Variants in KIAA2013 observed in about 807,000 individuals in gnomAD.
The protein encoded by KIAA2013 is KIAA2013.
Under a neutral mutation model 39.9 loss-of-function variants are expected in KIAA2013, and 20 were observed. The observed-to-expected ratio is 0.50, with a 90% CI of 0.35 to 0.73. The LOEUF is 0.73. Among genes scored for constraint, KIAA2013 ranks in the 30% least tolerant of loss-of-function variants. The pLI is 0.01. For synonymous variants in KIAA2013, 336 were observed against 416.6 expected (o/e 0.81, Z 2.35); for missense variants, 587 against 856.1 (o/e 0.69, Z 3.92).
intron 1 of KIAA2013, among the ~76,000 whole-genome samples, chr1:11,924,807 C>G (rs151309998): frequency 3.3e-5 from 5 of 152,242 alleles, no homozygotes; most frequent in African/African-American, 1.2e-4. Context: ...TGTCAAGAAG[C>G]CCACGTCTGT....
Position 11,923,212 on chromosome 1 carries a change from A to C in KIAA2013, c.1311T>G (p.Arg437=). The C allele has an allele frequency of 1.2e-6, 2 of 1,613,704 alleles. No homozygotes were observed. The highest frequency in any genetic ancestry group is 1.7e-6 in the Non-Finnish European group (2 of 1,179,850). The change falls in exon 2 of 3, where the codon CGT becomes CGG. Residue 437 remains arginine (R), a synonymous_variant. Coordinates refer to ENST00000376572, the MANE Select transcript of KIAA2013 (RefSeq NM_138346.3). This position sits in a 1 kb window ranked among gnomAD's most constrained non-coding sequence, Gnocchi z 4.6. ...CCACCTTCACCAGCCCCTTGCAGCC[A>C]CGCTTCTGGAGGGTCAGCCTCCACA... The part of the protein sequence containing the change: ...SDLWRLTLQK[R]GCKGLVKVGA...
Position 11,925,593 on chromosome 1 carries a change from C to A in KIAA2013, c.645G>T (p.Val215=), listed in dbSNP as rs760949040. ...RIQLNNPTER[V]AALQTVGPTA... is the part of the protein sequence containing the mutation. Reference sequence around the variant, plus strand: ...TGGGCCCCACAGTCTGCAGCGCGGCCACGCGCTCCGTGGGGTTGTTGAGCT... The same window carrying A: ...TGGGCCCCACAGTCTGCAGCGCGGCAACGCGCTCCGTGGGGTTGTTGAGCT... The change falls in exon 1 of 3, where the codon GTG becomes GTT. Residue 215 remains valine (V), a synonymous_variant. Coordinates refer to ENST00000376572, the MANE Select transcript of KIAA2013 (RefSeq NM_138346.3). The surrounding 1 kb of genome is among the most constrained non-coding windows in gnomAD (Gnocchi z 5.2). The A allele has an allele frequency of 3.7e-5, 59 of 1,609,706 alleles. No homozygotes were observed. The African/African-American group carries it at 7.2e-4, about 20-fold the overall frequency.
At position 11,923,521 on chromosome 1, in the gene KIAA2013, G is replaced by A. The variant is rs377333915; in HGVS notation, c.1034-32C>T. ...CACCATGAAAGCGGCATGTTAAGGG[G>A]GAAGGACAGCTGGGAGGCAGAGCAT... On this transcript the variant is annotated intron_variant, in intron 1 of 2. Coordinates refer to ENST00000376572, the MANE Select transcript of KIAA2013 (RefSeq NM_138346.3). The surrounding 1 kb of genome is among the most constrained non-coding windows in gnomAD (Gnocchi z 4.6). The A allele has an allele frequency of 7.5e-6, 12 of 1,598,356 alleles. No homozygotes were observed. The African/African-American group carries it at 1.6e-4, about 21-fold the overall frequency.
chr1:11,924,058 C>T (rs543926439), intron 1 of KIAA2013, among the ~76,000 whole-genome samples: 18 of 152,210 alleles, frequency 1.2e-4, no homozygotes, highest in Admixed American at 2.0e-4. Flanking sequence ...CTGGCAGAAG[C>T]ATTCAATAGA....
At chr1:11,922,280 C>T in intron 2 of KIAA2013, 6 of 1,206,548 alleles carry the variant, frequency 5.0e-6, no homozygotes, top group Non-Finnish European at 5.5e-6. Context: ...GCCTCAAACT[C>T]CTGGGCTCAA....
In KIAA2013 at chr1:11,925,999, C is replaced by T. The variant is rs2100722477; in HGVS notation, c.239G>A (p.Gly80Asp). The T allele has an allele frequency of 1.3e-6, 2 of 1,513,394 alleles. No individual in the cohort carries two copies. The highest frequency in any genetic ancestry group is 1.8e-6 in the Non-Finnish European group (2 of 1,137,966). The allele number at this position is 1,513,394 out of a possible 1,614,324, so 93.7% of individuals were successfully genotyped here. A position where few individuals can be genotyped will look rare whatever the true frequency, so the allele number is the denominator to read the frequency against. Reference protein sequence around the residue: ...TRAWRGLRERGEVVPLGPGVP... With the variant: ...TRAWRGLRERDEVVPLGPGVP... ...TCCAGGACCCAGCGGTACCACCTCA[C>T]CGCGCTCCCGCAGGCCGCGCCAGGC... The change falls in exon 1 of 3, where the codon GGT becomes GAT. Residue 80 changes from glycine to aspartate, a missense_variant. Physicochemically the swap from Gly to Asp is moderately conservative, Grantham distance 94. Transcript: ENST00000376572. This position sits in a 1 kb window ranked among gnomAD's most constrained non-coding sequence, Gnocchi z 5.2.
Sources: gnomAD v4.1 joint callset for allele counts (sites outside exome capture counted in the v4.1 genomes callset) on GRCh38, gnomAD v4.1.1 for gene constraint, Gnocchi (gnomAD v3.1) non-coding constraint, MANE v1.5 for transcripts, NCBI Gene and HGNC (gene_info 2026-07-23, HGNC 2026-07-21) for gene names.